Variants in SH2D7 observed in about 807,000 individuals in gnomAD.
SH2D7 encodes SH2 domain-containing protein 7.
In SH2D7, 32 loss-of-function variants were observed where a neutral mutation model predicts 40.8. The ratio of observed to expected loss-of-function variants is 0.78; its 90% CI spans 0.59 to 1.05. The LOEUF (loss-of-function observed/expected upper bound fraction) is 1.05. Ranked by LOEUF, SH2D7 falls within the 50% of genes least tolerant of loss-of-function variation. The pLI is 0.00. For synonymous variants in SH2D7, 195 were observed against 221.5 expected (o/e 0.88, Z 1.06); for missense variants, 559 against 566.6 (o/e 0.99, Z 0.14).
At chr15:78,094,368 C>G (rs1365598272) in intron 2 of SH2D7, among the ~76,000 whole-genome samples, 167 bp downstream of exon 2, 1 of 152,226 alleles carries the variant, frequency 6.6e-6, no homozygotes, top group Non-Finnish European at 1.5e-5. Context: ...CTGAGCAGCA[C>G]TGGCCATATA....
chr15:78,101,244 G>A lies in SH2D7; in HGVS notation c.991G>A (p.Glu331Lys), dbSNP rs1360087481. 1.9e-6 allele frequency: 3 copies of A among 1,604,650 alleles called. No homozygotes were observed. The highest frequency in any genetic ancestry group is 1.7e-4 in the Middle Eastern group (1 of 5,992). ...MGSLGATWRQ[E>K]FPKLSQEAQP... The stretch of plus-strand genomic sequence containing the variant: ...ATCCCTGGGGGCTACCTGGAGGCAG[G>A]AGTTTCCAAAGCTGAGCCAAGAGGC... Residue 331 changes from glutamate (E) to lysine (K), a missense_variant, in exon 5 of 6, where the codon GAG becomes AAG. Physicochemically the swap from Glu to Lys is moderately conservative, Grantham distance 56. Coordinates refer to ENST00000328828, the MANE Select transcript of SH2D7 (RefSeq NM_001101404.2).
At chr15:78,094,250 A>G in intron 2 of SH2D7, 49 bp downstream of exon 2, 1 of 1,558,948 alleles carries the variant, frequency 6.4e-7, no homozygotes, top group Non-Finnish European at 8.7e-7. Flanking sequence ...ACCATAACCT[A>G]GCCTTGCAGA....
At chr15:78,095,646 T>C (rs1204935008) in intron 2 of SH2D7, among the ~76,000 whole-genome samples, 1 of 152,140 alleles carries the variant, frequency 6.6e-6, no homozygotes, top group African/African-American at 2.4e-5. Context: ...TAATTCTAGA[T>C]GGATCGTAGA....
At chr15:78,103,319 T>C in intron 5 of SH2D7, 146 bp from the exon 6 acceptor site, 1 of 841,842 alleles carries the variant, frequency 1.2e-6, no homozygotes, top group Non-Finnish European at 1.8e-6. Flanking sequence ...GGGAGAGGCT[T>C]GTGGAATCAA....
In SH2D7 at chr15:78,092,611, C is replaced by A; in HGVS notation, c.27C>A (p.Ser9Arg). 6.4e-7 allele frequency: 1 copy of A among 1,552,924 alleles called. No individual in the cohort carries two copies. Among genetic ancestry groups the A allele is most frequent in the South Asian group, 1.2e-5 (1 of 84,142 alleles). Residue 9 changes from serine to arginine, a missense_variant, in exon 1 of 6, where the codon AGC becomes AGA. Physicochemically the swap from Ser to Arg is moderately radical, Grantham distance 110 (BLOSUM62 -1). Transcript: ENST00000328828. MEDSLKQLSLGRDPEGAGD... is the reference protein window; with the variant it reads MEDSLKQLRLGRDPEGAGD... ...TGGAGGACAGCCTAAAGCAGCTCAG[C>A]CTGGGGAGAGATCCTGAGGGGGCAG...
chr15:78,096,767 C>A (rs2073974641), intron 2 of SH2D7, among the ~76,000 whole-genome samples: 2 of 151,990 alleles, frequency 1.3e-5, no homozygotes, highest in African/African-American at 4.8e-5. Flanking sequence ...CCTCAAAGTG[C>A]TGGGATTACA....
At chr15:78,102,815 C>T (rs1596343164) in intron 5 of SH2D7, among the ~76,000 whole-genome samples, 3 of 152,088 alleles carry the variant, frequency 2.0e-5, no homozygotes, top group African/African-American at 7.2e-5. Context: ...TCTGCCTATA[C>T]CCAGAGACAA....
At chr15:78,094,233 T>G (rs1226918223) in intron 2 of SH2D7, 32 bp downstream of exon 2, 1 of 1,584,138 alleles carries the variant, frequency 6.3e-7, no homozygotes, top group Non-Finnish European at 8.6e-7. Flanking sequence ...GCAAGCAAGC[T>G]CATCCTACCA....
chr15:78,102,514 G>T (rs1369570037), intron 5 of SH2D7, among the ~76,000 whole-genome samples: 1 of 152,068 alleles, frequency 6.6e-6, no homozygotes, highest in African/African-American at 2.4e-5. Flanking sequence ...GATGAACAGA[G>T]CTATTATTCT....
chr15:78,094,147 G>A lies in SH2D7; in HGVS notation c.212G>A (p.Gly71Asp). The change falls in exon 2 of 6, where the codon GGT becomes GAT. Residue 71 changes from glycine (G) to aspartate (D), a missense_variant. Transcript: ENST00000328828. ...CAGCTACTCAGGGACAAAGCTCTTGGTTCCTTCCTTATCCGCCTCAGTGAC... is the reference window on the plus strand; with the variant it reads ...CAGCTACTCAGGGACAAAGCTCTTGATTCCTTCCTTATCCGCCTCAGTGAC... ...TEQLLRDKAL[G>D]SFLIRLSDRA... The A allele has an allele frequency of 6.2e-7, 1 of 1,608,878 alleles. No homozygotes were observed. The highest frequency in any genetic ancestry group is 8.5e-7 in the Non-Finnish European group (1 of 1,177,928).
At chr15:78,090,813 T>C (rs1032186345), upstream of SH2D7, among the ~76,000 whole-genome samples, 3 of 152,194 alleles carry the variant, frequency 2.0e-5, no homozygotes, top group African/African-American at 7.2e-5. Flanking sequence ...GAAATCTGGC[T>C]GTAACACCCT....
Position 78,101,578 on chromosome 15 carries a change from G to A in SH2D7, c.1305+20G>A, listed in dbSNP as rs748856413. 5.0e-5 allele frequency: 78 copies of A among 1,546,894 alleles called. No individual in the cohort carries two copies. In the East Asian group the frequency reaches 5.6e-4, roughly 11 times the overall value. ...CACAAGGTGAGCTCCATGATGGGGT[G>A]GGGCGGCTCCCAGCCCTTAGAGAGC... is the stretch of plus-strand genomic sequence containing the variant. On this transcript the variant is annotated intron_variant, in intron 5 of 5. Coordinates refer to ENST00000328828, the MANE Select transcript of SH2D7 (RefSeq NM_001101404.2).
chr15:78,101,478 A>AC lies in SH2D7; in HGVS notation c.1229dup (p.Glu411ArgfsTer10), dbSNP rs1567045420. On this transcript the variant is annotated frameshift_variant, in exon 5 of 6. Transcript: ENST00000328828. LOFTEE classifies it high-confidence loss of function. ...CCATGGCTACAAGAGGATCTCAGGG[A>AC]CCCCAGAGCTCTCAGAGCCTGGGAA... 6.2e-7 allele frequency: 1 copy of AC among 1,613,244 alleles called. No homozygotes were observed. Among genetic ancestry groups the AC allele is most frequent in the Admixed American group, 1.7e-5 (1 of 59,904 alleles).
rs983904878 is a variant in SH2D7, at chr15:78,098,719, C to A, written c.645+123C>A. 5 of 1,166,672 alleles carry A rather than the reference C, an allele frequency of 4.3e-6. No homozygotes were observed. In the African/African-American group the frequency reaches 4.6e-5, roughly 11 times the overall value. 72.3% of individuals were successfully genotyped at this position (1,166,672 alleles called of 1,614,324 possible). A position where few individuals can be genotyped will look rare whatever the true frequency, so the allele number is the denominator to read the frequency against. On this transcript the variant is annotated intron_variant, in intron 4 of 5. Coordinates refer to ENST00000328828, the MANE Select transcript of SH2D7 (RefSeq NM_001101404.2). Reference sequence around the variant, plus strand: ...CTCCGGCTGTGGAGGGTGAGCCAGGCCCAGAGGTGCGGACCCAGCTTGGAA... The same window carrying A: ...CTCCGGCTGTGGAGGGTGAGCCAGGACCAGAGGTGCGGACCCAGCTTGGAA...
At chr15:78,092,019 C>T (rs947796253), upstream of SH2D7, among the ~76,000 whole-genome samples, 1 of 152,244 alleles carries the variant, frequency 6.6e-6, no homozygotes, top group African/African-American at 2.4e-5. Flanking sequence ...TTGTCTCCCT[C>T]TAGAATGTAT....
At chr15:78,100,750 C>A in intron 4 of SH2D7, 149 bp from the exon 5 acceptor site, 1 of 802,556 alleles carries the variant, frequency 1.2e-6, no homozygotes. Context: ...TGGAAGGGAC[C>A]CTGAGTGTCA....
At chr15:78,103,380 A>C in intron 5 of SH2D7, 85 bp from the exon 6 acceptor site, 1 of 1,493,936 alleles carries the variant, frequency 6.7e-7, no homozygotes, top group South Asian at 1.2e-5. Flanking sequence ...CCCCCAACCC[A>C]AGGTCAATGA....
chr15:78,097,997 A>G lies in SH2D7; in HGVS notation c.335A>G (p.Asp112Gly), dbSNP rs1459919229. The change falls in exon 3 of 6, where the codon GAC becomes GGC. Residue 112 changes from aspartate (D) to glycine (G), a missense_variant. By Grantham distance (94) the Asp-to-Gly change is moderately conservative. Coordinates refer to ENST00000328828, the MANE Select transcript of SH2D7 (RefSeq NM_001101404.2). ...AACCGGCGTTACATCATCTCAGGAG[A>G]CACCCAGAGCCACAGCACCCTGGCT... ...LRNRRYIISG[D>G]TQSHSTLAEL... 1.1e-5 allele frequency: 18 copies of G among 1,613,856 alleles called. No individual in the cohort carries two copies. Among genetic ancestry groups the G allele is most frequent in the Non-Finnish European group, 1.3e-5 (15 of 1,179,874 alleles).
At chr15:78,094,281 G>A in intron 2 of SH2D7, 80 bp downstream of exon 2, 1 of 1,369,680 alleles carries the variant, frequency 7.3e-7, no homozygotes, top group Non-Finnish European at 1.0e-6. Context: ...GGCCCCACTG[G>A]CCCAAATTGC....
Sources: gnomAD v4.1 joint callset for allele counts (sites outside exome capture counted in the v4.1 genomes callset) on GRCh38, gnomAD v4.1.1 for gene constraint, MANE v1.5 for transcripts, NCBI Gene and HGNC (gene_info 2026-07-23, HGNC 2026-07-21) for gene names.